Variants in GPR39 observed in about 807,000 individuals in gnomAD.
GPR39 encodes G protein-coupled receptor 39.
GPR39 carries 23 observed loss-of-function variants against 18.4 expected under a neutral mutation model. That is an observed-to-expected ratio of 1.25 (90% CI 0.90 to 1.77). The LOEUF is 1.77. Ranked by LOEUF, GPR39 falls within the 40% of genes most tolerant of loss-of-function variation. The probability of loss-of-function intolerance (pLI) is 0.00; values close to 1 mark genes in which losing one functional copy is unlikely to be tolerated. For missense variants in GPR39, 647 were observed against 602.4 expected, an observed-to-expected ratio of 1.07 and a Z score of -0.78; for synonymous variants, 280 against 257.9, an observed-to-expected ratio of 1.09 and a Z score of -0.82.
intron 1 of GPR39, among the ~76,000 whole-genome samples, chr2:132,563,020 A>C (rs11684083): frequency 0.13 from 19,134 of 152,214 alleles, 1,380 homozygotes; most frequent in East Asian, 0.26. Flanking sequence ...TTGCTGCCAC[A>C]GGGAAGGTGG....
chr2:132,489,426 C>T (rs982245695), intron 1 of GPR39, among the ~76,000 whole-genome samples: 7 of 152,036 alleles, frequency 4.6e-5, no homozygotes, highest in African/African-American at 7.3e-5. Flanking sequence ...CTGGGGCTGG[C>T]GGCAGGCCGT....
At chr2:132,506,809 C>T (rs1487189810) in intron 1 of GPR39, among the ~76,000 whole-genome samples, 1 of 152,102 alleles carries the variant, frequency 6.6e-6, no homozygotes, top group Non-Finnish European at 1.5e-5. Flanking sequence ...GGTAGGGACA[C>T]AGCCAAACCA....
intron 1 of GPR39, among the ~76,000 whole-genome samples, chr2:132,572,551 A>C (rs562579390): frequency 7.2e-4 from 109 of 152,028 alleles, no homozygotes; most frequent in African/African-American, 2.5e-3. Context: ...AAAAAAAAAA[A>C]AACCTCATTC....
chr2:132,537,460 T>A (rs1573654183), intron 1 of GPR39, among the ~76,000 whole-genome samples: 1 of 152,168 alleles, frequency 6.6e-6, no homozygotes, highest in African/African-American at 2.4e-5. Flanking sequence ...TGGACTTCCC[T>A]TTTTAGGTGA....
intron 1 of GPR39, among the ~76,000 whole-genome samples, chr2:132,634,174 T>C (rs1189599261): frequency 1.3e-5 from 2 of 151,826 alleles, no homozygotes; most frequent in Non-Finnish European, 2.9e-5. Flanking sequence ...ATGGTGGTAG[T>C]GGTGGTGGTA....
At chr2:132,430,197 C>A (rs889122133) in intron 1 of GPR39, among the ~76,000 whole-genome samples, 1 of 152,150 alleles carries the variant, frequency 6.6e-6, no homozygotes, top group Non-Finnish European at 1.5e-5. Flanking sequence ...AGTTATCAAC[C>A]CTGCTAAACA....
intron 1 of GPR39, among the ~76,000 whole-genome samples, chr2:132,430,392 G>C (rs183413379): frequency 6.6e-6 from 1 of 152,308 alleles, no homozygotes; most frequent in Non-Finnish European, 1.5e-5. Context: ...GGGAGACCTT[G>C]ACTTTAGTAA....
intron 1 of GPR39, among the ~76,000 whole-genome samples, chr2:132,627,870 T>A (rs1192771956): frequency 1.3e-5 from 2 of 152,182 alleles, no homozygotes; most frequent in Non-Finnish European, 2.9e-5. Flanking sequence ...CTTTCCTCAT[T>A]TACAGCTTGG....
intron 1 of GPR39, among the ~76,000 whole-genome samples, chr2:132,552,371 C>A (rs1680058905): frequency 6.6e-6 from 1 of 151,990 alleles, no homozygotes; most frequent in Non-Finnish European, 1.5e-5. Flanking sequence ...AGCACCACCC[C>A]AACTCTCTTG....
At chr2:132,579,706 A>G (rs1259634740) in intron 1 of GPR39, among the ~76,000 whole-genome samples, 1 of 151,898 alleles carries the variant, frequency 6.6e-6, no homozygotes, top group Non-Finnish European at 1.5e-5. Context: ...TCTATTTCTT[A>G]TATTTTATTA....
chr2:132,559,115 G>A (rs1680203783), intron 1 of GPR39, among the ~76,000 whole-genome samples: 1 of 152,216 alleles, frequency 6.6e-6, no homozygotes, highest in Admixed American at 6.5e-5. Flanking sequence ...AATAGAGAGG[G>A]TTTTCATGCT....
At chr2:132,481,218 G>GAA (rs1681227396) in intron 1 of GPR39, among the ~76,000 whole-genome samples, 1 of 152,178 alleles carries the variant, frequency 6.6e-6, no homozygotes, top group Non-Finnish European at 1.5e-5. Flanking sequence ...AGGGACCAGA[G>GAA]GTTTACAAAT....
chr2:132,440,170 T>C (rs984365252), intron 1 of GPR39, among the ~76,000 whole-genome samples: 3 of 152,140 alleles, frequency 2.0e-5, no homozygotes, highest in Non-Finnish European at 4.4e-5. Flanking sequence ...ACCCTAGCCA[T>C]CTCCAAAGGA....
At chr2:132,606,705 A>G (rs1004336579) in intron 1 of GPR39, among the ~76,000 whole-genome samples, 2 of 152,202 alleles carry the variant, frequency 1.3e-5, no homozygotes, top group Admixed American at 1.3e-4. Context: ...TGCCGAAAAA[A>G]TTAGATCACA....
chr2:132,560,805 T>C (rs1334109461), intron 1 of GPR39, among the ~76,000 whole-genome samples: 2 of 152,368 alleles, frequency 1.3e-5, no homozygotes, highest in East Asian at 3.9e-4. Context: ...GAGCCACTCT[T>C]TCTATGCTGT....
intron 1 of GPR39, among the ~76,000 whole-genome samples, chr2:132,577,193 C>T (rs190658943): frequency 1.1e-3 from 160 of 151,930 alleles, no homozygotes; most frequent in East Asian, 5.0e-3. Context: ...CCCATCTCTA[C>T]AAAAAATACA....
intron 1 of GPR39, among the ~76,000 whole-genome samples, chr2:132,640,036 G>T (rs955675238): frequency 2.0e-5 from 3 of 152,186 alleles, no homozygotes; most frequent in Non-Finnish European, 2.9e-5. Flanking sequence ...CTTAACCTCA[G>T]TTTGCTCATG....
chr2:132,505,125 AG>A (rs1202446493), intron 1 of GPR39, among the ~76,000 whole-genome samples: 4 of 152,214 alleles, frequency 2.6e-5, no homozygotes, highest in African/African-American at 9.6e-5. Flanking sequence ...TTCAAGGTAG[AG>A]GGGCTGCATC....
intron 1 of GPR39, among the ~76,000 whole-genome samples, chr2:132,503,540 G>C (rs1209541314): frequency 6.6e-6 from 1 of 152,200 alleles, no homozygotes; most frequent in African/African-American, 2.4e-5. Context: ...GTTTTGTGTT[G>C]GTTGGCCTCC....
Sources: gnomAD v4.1 joint callset for allele counts (sites outside exome capture counted in the v4.1 genomes callset) on GRCh38, gnomAD v4.1.1 for gene constraint, MANE v1.5 for transcripts, NCBI Gene and HGNC (gene_info 2026-07-23, HGNC 2026-07-21) for gene names.